The following ZEB2 variants were observed in gnomAD, a reference collection of about 807,000 sequenced individuals.
ZEB2 encodes the protein zinc finger E-box binding homeobox 2.
In ZEB2, 6 loss-of-function variants were observed where a neutral mutation model predicts 99.9. The observed-to-expected ratio is 0.06, with a 90% confidence interval of 0.03 to 0.12. The LOEUF is 0.12. Ranked by LOEUF, ZEB2 falls within the 10% of genes least tolerant of loss-of-function variation. The pLI, the probability that ZEB2 is intolerant of heterozygous loss-of-function variation, is 1.00. For synonymous variants in ZEB2, 517 were observed against 542.5 expected (o/e 0.95, Z 0.65); for missense variants, 969 against 1,502.8 (o/e 0.64, Z 5.87).
intron 2 of ZEB2, among the ~76,000 whole-genome samples, chr2:144,457,515 G>A (rs1164577486): frequency 6.6e-6 from 1 of 152,140 alleles, no homozygotes; most frequent in Non-Finnish European, 1.5e-5. Flanking sequence ...TTGTTCATCT[G>A]GTTTAGTGGA....
In ZEB2 at chr2:144,384,980, A is replaced by AT. The variant is rs1308460349; in HGVS notation, c.*4470_*4471insA. 6.6e-6 allele frequency: 1 copy of AT among 152,182 alleles called. No homozygotes were observed. Among genetic ancestry groups the AT allele is most frequent in the Non-Finnish European group, 1.5e-5 (1 of 68,012 alleles). 9.4% of individuals were successfully genotyped at this position (152,182 alleles called of 1,614,324 possible). A position where few individuals can be genotyped will look rare whatever the true frequency, so the allele number is the denominator to read the frequency against. On this transcript the variant is annotated 3_prime_UTR_variant, in exon 10 of 10. Transcript: ENST00000627532. The stretch of plus-strand genomic sequence containing the variant: ...AGAGAGGCATAAATTGCCTCTTGGT[A>AT]CACCAATATGATTTGTGATGTGTTC...
chr2:144,423,566 G>T (rs929979118), intron 4 of ZEB2, among the ~76,000 whole-genome samples: 4 of 152,106 alleles, frequency 2.6e-5, no homozygotes, highest in African/African-American at 4.8e-5. Flanking sequence ...TTGCCCAAGG[G>T]TTACAATCTA....
intron 2 of ZEB2, among the ~76,000 whole-genome samples, chr2:144,502,903 T>C (rs1704895007): frequency 1.3e-5 from 2 of 152,176 alleles, no homozygotes; most frequent in African/African-American, 4.8e-5. Context: ...TAGGTATTCT[T>C]ATAGGCTTTC....
At chr2:144,483,148 A>ACACACACACACACACACATG (rs1553968381) in intron 2 of ZEB2, among the ~76,000 whole-genome samples, 8 of 144,116 alleles carry the variant, frequency 5.6e-5, no homozygotes, top group African/African-American at 2.0e-4. Context: ...ACACACACAC[A>ACACACACACACACACACATG]CACACACACA....
rs146394306 is a variant in ZEB2, at chr2:144,517,341, G to C, written c.10C>G (p.Pro4Ala). 1.4e-4 allele frequency: 223 copies of C among 1,613,612 alleles called. No individual in the cohort carries two copies. Among genetic ancestry groups the C allele is most frequent in the Admixed American group, 6.0e-4 (36 of 60,020 alleles). The change falls in exon 2 of 10, where the codon CCG becomes GCG. Residue 4 changes from proline to alanine, a missense_variant. Physicochemically the swap from Pro to Ala is conservative, Grantham distance 27. This residue lies in a region of ZEB2 where 173 missense variants were observed against 217.7 expected (regional missense o/e 0.79). Transcript: ENST00000627532. ...CACCGGGGGCCATCCGCCATGATCG[G>C]CTGCTTCATTGATAAGAGCGGATCA... MKQ[P>A]IMADGPRCKR... is the part of the protein sequence containing the mutation.
chr2:144,394,801 T>C (rs779788003), intron 9 of ZEB2, among the ~76,000 whole-genome samples: 1 of 152,162 alleles, frequency 6.6e-6, no homozygotes, highest in Non-Finnish European at 1.5e-5. Flanking sequence ...ACCTTGTTGC[T>C]TCACAAAAAC....
At chr2:144,490,643 A>T (rs1204532634) in intron 2 of ZEB2, among the ~76,000 whole-genome samples, 1 of 152,204 alleles carries the variant, frequency 6.6e-6, no homozygotes, top group Non-Finnish European at 1.5e-5. Flanking sequence ...TACCCTGCCT[A>T]AAAAGAGCCT....
intron 2 of ZEB2, among the ~76,000 whole-genome samples, chr2:144,509,593 TTGTG>T (rs372903478): frequency 3.3e-5 from 5 of 152,060 alleles, no homozygotes; most frequent in Middle Eastern, 3.4e-3. Flanking sequence ...CTTCCAAAGT[TTGTG>T]TGTGTGTTTG....
Position 144,387,231 on chromosome 2 carries a change from T to G in ZEB2, c.*2220A>C, listed in dbSNP as rs1012580156. The G allele has an allele frequency of 1.3e-5, 2 of 152,056 alleles. No individual in the cohort carries two copies. The highest frequency in any genetic ancestry group is 2.9e-5 in the Non-Finnish European group (2 of 67,996). 9.4% of individuals were successfully genotyped at this position (152,056 alleles called of 1,614,324 possible). ...AGCAAATTTAATAGCAAAATGATGC[T>G]TTTCTTCTTTGATTCTAAAGTAGAA... On this transcript the variant is annotated 3_prime_UTR_variant, in exon 10 of 10. Transcript: ENST00000627532.
At chr2:144,434,671 T>A (rs1031251489) in intron 2 of ZEB2, among the ~76,000 whole-genome samples, 7 of 152,228 alleles carry the variant, frequency 4.6e-5, no homozygotes, top group Non-Finnish European at 8.8e-5. Context: ...AGATTGTTGC[T>A]TAATTTTAAA....
chr2:144,460,797 G>A (rs1013762502), intron 2 of ZEB2, among the ~76,000 whole-genome samples: 4 of 152,000 alleles, frequency 2.6e-5, no homozygotes, highest in Non-Finnish European at 5.9e-5. Context: ...AATTATGAAT[G>A]TTGCAGTTAC....
chr2:144,517,998 C>G (rs1573822814), intron 1 of ZEB2: 1 of 274,604 alleles, frequency 3.6e-6, no homozygotes, highest in South Asian at 5.3e-5. Flanking sequence ...CTTCCTCCCC[C>G]CACCCTCGCC....
chr2:144,435,089 T>C (rs1703819179), intron 2 of ZEB2, among the ~76,000 whole-genome samples: 1 of 152,220 alleles, frequency 6.6e-6, no homozygotes, highest in African/African-American at 2.4e-5. Context: ...GTCTTTTCTC[T>C]GGTGCTGCAA....
At chr2:144,450,626 T>C (rs12105918) in intron 2 of ZEB2, among the ~76,000 whole-genome samples, 9,409 of 152,270 alleles carry the variant, frequency 0.062, 344 homozygotes, top group Middle Eastern at 0.12. Flanking sequence ...AAGAAGTGTG[T>C]GGCTTACAAC....
At chr2:144,445,738 C>T (rs750157153) in intron 2 of ZEB2, among the ~76,000 whole-genome samples, 5 of 151,814 alleles carry the variant, frequency 3.3e-5, no homozygotes, top group Non-Finnish European at 7.4e-5. Context: ...TGAAGATGAT[C>T]GAAAATTTTA....
At chr2:144,441,117 C>T (rs1008833494) in intron 2 of ZEB2, among the ~76,000 whole-genome samples, 5 of 144,254 alleles carry the variant, frequency 3.5e-5, no homozygotes, top group African/African-American at 1.3e-4. Flanking sequence ...CCCCTAAAGT[C>T]GTTCAATGAT....
intron 2 of ZEB2, among the ~76,000 whole-genome samples, chr2:144,480,215 C>T (rs1045570583): frequency 3.3e-5 from 5 of 152,192 alleles, no homozygotes; most frequent in East Asian, 3.9e-4. Context: ...GAAAATAGGA[C>T]GGCCCCCATA....
chr2:144,504,268 C>G (rs1704922294), intron 2 of ZEB2: 1 of 152,204 alleles, frequency 6.6e-6, no homozygotes, highest in Non-Finnish European at 1.5e-5. Context: ...ACCCCCGGAG[C>G]AAGGCTGGTG....
At chr2:144,440,656 C>T (rs1703903225) in intron 2 of ZEB2, among the ~76,000 whole-genome samples, 1 of 151,334 alleles carries the variant, frequency 6.6e-6, no homozygotes, top group Non-Finnish European at 1.5e-5. Context: ...GTGCCTTGTC[C>T]AAATTTTCTA....
Sources: allele counts gnomAD v4.1 joint callset (sites outside exome capture counted in the v4.1 genomes callset), GRCh38; gene constraint gnomAD v4.1.1; regional missense constraint gnomAD v4.1.1; transcripts MANE v1.5; gene names NCBI Gene and HGNC (gene_info 2026-07-23, HGNC 2026-07-21).